Variants in COLEC12 observed in about 807,000 individuals in gnomAD.
The protein encoded by COLEC12 is collectin-12.
A neutral mutation model predicts 71.1 loss-of-function variants in COLEC12; 33 were observed. The ratio of observed to expected loss-of-function variants is 0.46; its 90% CI spans 0.35 to 0.62. The LOEUF is 0.62. Among genes scored for constraint, COLEC12 ranks in the 20% least tolerant of loss-of-function variants. The pLI is 0.00. For synonymous variants in COLEC12, 350 were observed against 353.0 expected, an observed-to-expected ratio of 0.99 and a Z score of 0.10; for missense variants, 765 against 916.1, an observed-to-expected ratio of 0.84 and a Z score of 2.13.
chr18:397,332 TATTC>T (rs1202020576), intron 2 of COLEC12, among the ~76,000 whole-genome samples: 1 of 152,214 alleles, frequency 6.6e-6, no homozygotes, highest in Non-Finnish European at 1.5e-5. Context: ...TGCTCTATTT[TATTC>T]ATTATTTATT....
chr18:444,413 C>T (rs868369875), intron 2 of COLEC12, among the ~76,000 whole-genome samples: 1 of 152,100 alleles, frequency 6.6e-6, no homozygotes, highest in African/African-American at 2.4e-5. Context: ...GCAGGTAAAA[C>T]CAATGACATA....
chr18:398,382 G>A (rs568181422), intron 2 of COLEC12, among the ~76,000 whole-genome samples: 2 of 152,228 alleles, frequency 1.3e-5, no homozygotes, highest in African/African-American at 2.4e-5. Context: ...CAAGATGAAA[G>A]GAACCAGCAG....
chr18:339,775 A>G (rs370771008), intron 5 of COLEC12, among the ~76,000 whole-genome samples: 1 of 152,084 alleles, frequency 6.6e-6, no homozygotes, highest in Non-Finnish European at 1.5e-5. Flanking sequence ...AGATTCACAT[A>G]ATCTACTTTG....
chr18:334,755 T>G lies in COLEC12; in HGVS notation c.1803A>C (p.Ala601=). The change falls in exon 6 of 10, where the codon GCA becomes GCC. Residue 601 remains alanine (A), a synonymous_variant. Coordinates refer to ENST00000400256, the MANE Select transcript of COLEC12 (RefSeq NM_130386.3). ...PLALQNEPTP[A]PEDNGCPPHW... ...GCTTGGACTTACCATTGTCCTCCGG[T>G]GCTGGGGTTGGCTCATTCTGCAGGG... The G allele has an allele frequency of 6.8e-7, 1 of 1,471,022 alleles. No individual in the cohort carries two copies. The allele number at this position is 1,471,022 out of a possible 1,614,324, so 91.1% of individuals were successfully genotyped here. A position where few individuals can be genotyped will look rare whatever the true frequency, so the allele number is the denominator to read the frequency against.
chr18:492,455 A>G (rs1290389043), intron 1 of COLEC12, among the ~76,000 whole-genome samples: 1 of 152,222 alleles, frequency 6.6e-6, no homozygotes, highest in Non-Finnish European at 1.5e-5. Context: ...AGTAATCAGT[A>G]AGTACGACAT....
At chr18:498,566 G>C (rs867274876) in intron 1 of COLEC12, among the ~76,000 whole-genome samples, 2 of 151,952 alleles carry the variant, frequency 1.3e-5, no homozygotes, top group South Asian at 4.2e-4. Flanking sequence ...TCACAATGTT[G>C]GCCAGGCTGG....
chr18:455,829 T>C (rs1916860795), intron 2 of COLEC12, among the ~76,000 whole-genome samples: 1 of 152,232 alleles, frequency 6.6e-6, no homozygotes, highest in African/African-American at 2.4e-5. Context: ...CATGATCTCA[T>C]TCTTTTTTAC....
intron 2 of COLEC12, among the ~76,000 whole-genome samples, chr18:383,227 ATAATT>A (rs1193994048): frequency 2.0e-5 from 3 of 152,260 alleles, no homozygotes; most frequent in Admixed American, 6.5e-5. Flanking sequence ...AAGCCAGAAC[ATAATT>A]TAATTTAATT....
At chr18:486,115 G>C (rs1042973541) in intron 1 of COLEC12, among the ~76,000 whole-genome samples, 1 of 152,232 alleles carries the variant, frequency 6.6e-6, no homozygotes, top group Non-Finnish European at 1.5e-5. Flanking sequence ...GCAGAAGAGA[G>C]GAGACTAATA....
intron 8 of COLEC12, among the ~76,000 whole-genome samples, chr18:325,878 G>C (rs1330821027): frequency 1.3e-5 from 2 of 151,782 alleles, no homozygotes; most frequent in Non-Finnish European, 2.9e-5. Context: ...TGCTCAGGCC[G>C]GTCTCGAACT....
At chr18:375,629 G>A (rs1328153577) in intron 2 of COLEC12, among the ~76,000 whole-genome samples, 2 of 152,144 alleles carry the variant, frequency 1.3e-5, no homozygotes, top group African/African-American at 4.8e-5. Flanking sequence ...TCCTGAGTAG[G>A]TAGGACCACA....
intron 2 of COLEC12, among the ~76,000 whole-genome samples, chr18:479,526 A>T (rs964226741): frequency 1.7e-4 from 24 of 144,180 alleles, no homozygotes; most frequent in East Asian, 1.4e-3. Context: ...TCATTTTCAT[A>T]CTCTCTCTCT....
rs115000547 is a variant in COLEC12 at position 381,905 on chromosome 18, C to T, written c.59-24383G>A. On this transcript the variant is annotated intron_variant, in intron 2 of 9. Coordinates refer to ENST00000400256, the MANE Select transcript of COLEC12 (RefSeq NM_130386.3). The stretch of plus-strand genomic sequence containing the variant: ...AAGGATTTTTTTTTTAAAAAGCTCA[C>T]CTCTCATCAGGAAAATAATGACTGG... 1.6e-3 allele frequency among the ~76,000 whole-genome samples: 243 copies of T among 151,864 alleles called. 2 individuals carry two copies. The highest frequency in any genetic ancestry group is 5.7e-3 in the African/African-American group (238 of 41,434).
At chr18:339,251 G>T (rs1914189719) in intron 5 of COLEC12, among the ~76,000 whole-genome samples, 1 of 152,142 alleles carries the variant, frequency 6.6e-6, no homozygotes, top group Non-Finnish European at 1.5e-5. Context: ...CTCACCTGGG[G>T]TGACAGCTTT....
intron 9 of COLEC12, 55 bp from the exon 10 acceptor site, chr18:320,119 G>T: frequency 9.8e-7 from 1 of 1,016,050 alleles, no homozygotes; most frequent in Non-Finnish European, 1.5e-6. Context: ...TAAAGTTAAT[G>T]TGCAATTCAA....
chr18:427,728 G>A (rs116228961), intron 2 of COLEC12, among the ~76,000 whole-genome samples: 20 of 152,200 alleles, frequency 1.3e-4, no homozygotes, highest in South Asian at 6.2e-4. Context: ...AATCGAATGC[G>A]CACCTATTGA....
chr18:365,912 C>T (rs1914845575), intron 2 of COLEC12, among the ~76,000 whole-genome samples: 1 of 152,094 alleles, frequency 6.6e-6, no homozygotes, highest in South Asian at 2.1e-4. Context: ...GAACTCCACT[C>T]CTCTCTCCTA....
intron 2 of COLEC12, among the ~76,000 whole-genome samples, chr18:400,329 C>G (rs1915657291): frequency 6.6e-6 from 1 of 152,050 alleles, no homozygotes; most frequent in Non-Finnish European, 1.5e-5. Flanking sequence ...CTTGGAATGA[C>G]CAGTAATATA....
chr18:355,047 GCATCCATCCATCCATCCATC>G (rs112034077), intron 3 of COLEC12, among the ~76,000 whole-genome samples: 2 of 150,262 alleles, frequency 1.3e-5, no homozygotes, highest in African/African-American at 4.9e-5. Flanking sequence ...ATCCATCCAT[GCATCCATCCATCCATCCATC>G]CATCCATCCA....
Sources: allele counts gnomAD v4.1 joint callset (sites outside exome capture counted in the v4.1 genomes callset), GRCh38; gene constraint gnomAD v4.1.1; transcripts MANE v1.5; gene names NCBI Gene and HGNC (gene_info 2026-07-23, HGNC 2026-07-21).